Variants in FNDC3A observed in about 807,000 individuals in gnomAD.
FNDC3A encodes fibronectin type-III domain-containing protein 3A.
FNDC3A carries 32 observed loss-of-function variants against 148.9 expected under a neutral mutation model. The ratio of observed to expected loss-of-function variants is 0.21; its 90% confidence interval spans 0.16 to 0.29. The LOEUF is 0.29. Ranked by LOEUF, FNDC3A falls within the 10% of genes least tolerant of loss-of-function variation. FNDC3A has a pLI of 1.00. For synonymous variants in FNDC3A, 472 were observed against 473.6 expected (o/e 1.00, Z 0.04); for missense variants, 1,191 against 1,452.8 (o/e 0.82, Z 2.93).
chr13:49,184,622 C>A (rs967513990), intron 14 of FNDC3A, among the ~76,000 whole-genome samples: 1 of 151,920 alleles, frequency 6.6e-6, no homozygotes, highest in African/African-American at 2.4e-5. Flanking sequence ...AGGAGGAAGC[C>A]CTGAGCTTAT....
In FNDC3A at chr13:49,008,529, G is replaced by A. The variant is rs145929991; in HGVS notation, c.99+2240G>A. ...TGTCCCTTGTCTTGACTTTTCTTCA[G>A]AATATTATGCTATATGAAATGATTT... On this transcript the variant is annotated intron_variant, in intron 2 of 25. Transcript: ENST00000492622. Among the ~76,000 whole-genome samples, 229 of 152,228 alleles carry A rather than the reference G, an allele frequency of 1.5e-3. 1 individual carries two copies. The highest frequency in any genetic ancestry group is 5.0e-3 in the African/African-American group (209 of 41,562).
chr13:49,114,149 TCTAA>T (rs1237409799), intron 3 of FNDC3A, among the ~76,000 whole-genome samples: 5 of 152,308 alleles, frequency 3.3e-5, no homozygotes, highest in Non-Finnish European at 7.4e-5. Context: ...GTTCCAAATT[TCTAA>T]CTATTCTTCC....
intron 4 of FNDC3A, among the ~76,000 whole-genome samples, chr13:49,128,553 A>T (rs537603928): frequency 3.8e-4 from 58 of 152,248 alleles, no homozygotes; most frequent in Non-Finnish European, 6.6e-4. Flanking sequence ...ACCCTACCAC[A>T]TATCCTCTAG....
At chr13:49,194,359 G>C (rs1384813703) in intron 19 of FNDC3A, among the ~76,000 whole-genome samples, 1 of 152,160 alleles carries the variant, frequency 6.6e-6, no homozygotes, top group African/African-American at 2.4e-5. Flanking sequence ...ATCTGCCATA[G>C]TTCATTGATT....
At chr13:49,117,827 G>A (rs895267636) in intron 4 of FNDC3A, among the ~76,000 whole-genome samples, 1 of 152,112 alleles carries the variant, frequency 6.6e-6, no homozygotes, top group African/African-American at 2.4e-5. Context: ...AGAAAGTCCT[G>A]GAACCAATCC....
At chr13:49,196,483 A>G (rs940830401) in intron 19 of FNDC3A, among the ~76,000 whole-genome samples, 1 of 152,188 alleles carries the variant, frequency 6.6e-6, no homozygotes, top group Non-Finnish European at 1.5e-5. Context: ...CCTAAGAAAG[A>G]TTCGTGAAGT....
At chr13:49,203,051 A>T in intron 24 of FNDC3A, 106 bp from the exon 25 acceptor site, 1 of 776,226 alleles carries the variant, frequency 1.3e-6, no homozygotes, top group Non-Finnish European at 2.0e-6. Context: ...TCAAGTTTAT[A>T]AGTGGATTTT....
At chr13:49,181,509 T>A (rs185931908) in intron 14 of FNDC3A, among the ~76,000 whole-genome samples, 1 of 152,108 alleles carries the variant, frequency 6.6e-6, no homozygotes, top group Non-Finnish European at 1.5e-5. Flanking sequence ...ACAACTGATC[T>A]AGAGGAGGAA....
intron 19 of FNDC3A, among the ~76,000 whole-genome samples, chr13:49,196,128 A>G (rs1294769175): frequency 6.7e-6 from 1 of 150,246 alleles, no homozygotes; most frequent in African/African-American, 2.4e-5. Flanking sequence ...GCTCTTAAAG[A>G]TGGGCATTTG....
intron 1 of FNDC3A, among the ~76,000 whole-genome samples, chr13:48,986,222 A>G (rs1951789890): frequency 6.6e-6 from 1 of 152,076 alleles, no homozygotes; most frequent in Admixed American, 6.5e-5. Flanking sequence ...TTTTTTAAAT[A>G]TAAAGTTATA....
At chr13:49,131,061 T>A in intron 4 of FNDC3A, 76 bp from the exon 5 acceptor site, 1 of 1,189,244 alleles carries the variant, frequency 8.4e-7, no homozygotes, top group African/African-American at 1.5e-5. Context: ...CTACCGTGCC[T>A]ACCCTACTCT....
intron 1 of FNDC3A, among the ~76,000 whole-genome samples, chr13:49,005,465 A>G (rs1375088324): frequency 1.3e-5 from 2 of 151,496 alleles, no homozygotes; most frequent in African/African-American, 4.8e-5. Context: ...TGTATGTGAT[A>G]TTGTGTGTAC....
chr13:48,986,930 G>A (rs997471067), intron 1 of FNDC3A, among the ~76,000 whole-genome samples: 14 of 152,096 alleles, frequency 9.2e-5, no homozygotes, highest in African/African-American at 2.9e-4. Context: ...TGTTAATATG[G>A]TTAAGTTATA....
At chr13:49,039,818 G>T (rs980238385) in intron 2 of FNDC3A, among the ~76,000 whole-genome samples, 6 of 152,054 alleles carry the variant, frequency 3.9e-5, no homozygotes, top group African/African-American at 1.4e-4. Flanking sequence ...GGATTCAAGC[G>T]ATCCTCCTGC....
intron 1 of FNDC3A, among the ~76,000 whole-genome samples, chr13:48,981,366 G>A (rs983482573): frequency 1.3e-5 from 2 of 151,800 alleles, no homozygotes; most frequent in African/African-American, 4.8e-5. Context: ...TATCTATCCT[G>A]TTTTCCTCAA....
intron 2 of FNDC3A, among the ~76,000 whole-genome samples, chr13:49,017,776 A>G (rs1416906710): frequency 1.3e-5 from 2 of 150,918 alleles, no homozygotes; most frequent in Non-Finnish European, 3.0e-5. Flanking sequence ...TTCCTTCAGG[A>G]GCTCTTTTAG....
In FNDC3A at chr13:49,198,406, G is replaced by A. The variant is rs776398905; in HGVS notation, c.2819G>A (p.Ser940Asn). Reference sequence around the variant, plus strand: ...AATAGCCTTGGAGCTGGTCCTTTCAGCCATATGATAAAATTAAAAACTAAG... The same window carrying A: ...AATAGCCTTGGAGCTGGTCCTTTCAACCATATGATAAAATTAAAAACTAAG... ...ALNSLGAGPF[S>N]HMIKLKTKPL... is the part of the protein sequence containing the mutation. Residue 940 changes from serine to asparagine, a missense_variant, in exon 23 of 26, where the codon AGC (serine) becomes AAC (asparagine). Physicochemically the swap from Ser to Asn is conservative, Grantham distance 46 (BLOSUM62 1). Coordinates refer to ENST00000492622, the MANE Select transcript of FNDC3A (RefSeq NM_001079673.2). The A allele has an allele frequency of 2.5e-6, 4 of 1,614,096 alleles. No individual in the cohort carries two copies. The South Asian group carries it at 4.4e-5, about 18-fold the overall frequency.
chr13:49,031,232 C>G (rs1874095790), intron 2 of FNDC3A, among the ~76,000 whole-genome samples: 1 of 151,952 alleles, frequency 6.6e-6, no homozygotes, highest in Non-Finnish European at 1.5e-5. Flanking sequence ...ACTAAAAATA[C>G]AAAAATTAGC....
chr13:49,046,028 CTCT>C (rs1875378385), intron 2 of FNDC3A: 1 of 166,822 alleles, frequency 6.0e-6, no homozygotes, highest in Admixed American at 6.4e-5. Flanking sequence ...AGATAGAACA[CTCT>C]TCTTGAATTA....
Sources: gnomAD v4.1 joint callset for allele counts (sites outside exome capture counted in the v4.1 genomes callset) on GRCh38, gnomAD v4.1.1 for gene constraint, MANE v1.5 for transcripts, NCBI Gene and HGNC (gene_info 2026-07-23, HGNC 2026-07-21) for gene names.